DNAAF9: variants seen among roughly 807,000 people sequenced by gnomAD.
DNAAF9 encodes dynein axonemal assembly factor 9.
A neutral mutation model predicts 167.0 loss-of-function variants in DNAAF9; 90 were observed. The ratio of observed to expected loss-of-function variants is 0.54; its 90% CI spans 0.45 to 0.64. The LOEUF is 0.64. Among genes scored for constraint, DNAAF9 ranks in the 30% least tolerant of loss-of-function variants. The pLI is 0.00. For synonymous variants in DNAAF9, 491 were observed against 508.8 expected (o/e 0.96, Z 0.47); for missense variants, 1,315 against 1,442.2 (o/e 0.91, Z 1.43).
chr20:3,281,588 T>G, intron 28 of DNAAF9, 53 bp downstream of exon 28: 1 of 1,517,526 alleles, frequency 6.6e-7, no homozygotes, highest in South Asian at 1.3e-5. Flanking sequence ...CTTCTTCTGG[T>G]GGGTGGAAAC....
chr20:3,261,849 G>A (rs976412841), intron 31 of DNAAF9, among the ~76,000 whole-genome samples: 1 of 151,686 alleles, frequency 6.6e-6, no homozygotes, highest in Non-Finnish European at 1.5e-5. Context: ...GGCTTCTGTG[G>A]TACCTGAATC....
At chr20:3,270,606 T>C (rs1357746121) in intron 29 of DNAAF9, 44 bp from the exon 30 acceptor site, 1 of 1,587,148 alleles carries the variant, frequency 6.3e-7, no homozygotes. Context: ...CAGTCCTGGT[T>C]AGGGGTGAAG....
chr20:3,348,449 A>C, intron 8 of DNAAF9, 76 bp downstream of exon 8: 1 of 801,732 alleles, frequency 1.2e-6, no homozygotes, highest in South Asian at 2.3e-5. Flanking sequence ...GTATTTTGAA[A>C]AAAATTTAAT....
intron 21 of DNAAF9, among the ~76,000 whole-genome samples, chr20:3,299,607 C>G (rs6115843): frequency 0.013 from 1,950 of 152,320 alleles, 47 homozygotes; most frequent in African/African-American, 0.045. Flanking sequence ...CCACCGCACC[C>G]GGCCTCTCAG....
intron 21 of DNAAF9, among the ~76,000 whole-genome samples, chr20:3,301,489 C>T (rs6107276): frequency 5.9e-5 from 9 of 151,964 alleles, no homozygotes; most frequent in African/African-American, 2.2e-4. Flanking sequence ...CGCCCAGCCC[C>T]TTATCCTGTT....
chr20:3,264,297 G>C lies in DNAAF9; in HGVS notation c.2873+141C>G, dbSNP rs1323210019. 3 of 614,602 alleles carry C rather than the reference G, an allele frequency of 4.9e-6. No homozygotes were observed. In the African/African-American group the frequency reaches 5.6e-5, roughly 11 times the overall value. 38.1% of individuals were successfully genotyped at this position (614,602 alleles called of 1,614,324 possible). ...TGGCAAGGCCAGCAGCTGCCGGACA[G>C]GCAGGCCGTGCCAGCTGCCATGTGT... On this transcript the variant is annotated intron_variant, in intron 31 of 36. Coordinates refer to ENST00000252032, the MANE Select transcript of DNAAF9 (RefSeq NM_001009984.3).
chr20:3,324,890 A>G lies in DNAAF9; in HGVS notation c.1265+2T>C, dbSNP rs780989344. On this transcript the variant is annotated splice_donor_variant, in intron 14 of 36. Coordinates refer to ENST00000252032, the MANE Select transcript of DNAAF9 (RefSeq NM_001009984.3). LOFTEE classifies it high-confidence loss of function. ...TTATAAAAAATATCAGCCATTGCTTACCGCAGGGCTGCCTTAAACGGAATC... is the reference window on the plus strand; with the variant it reads ...TTATAAAAAATATCAGCCATTGCTTGCCGCAGGGCTGCCTTAAACGGAATC... 1.3e-6 allele frequency: 2 copies of G among 1,542,602 alleles called. No homozygotes were observed. The highest frequency in any genetic ancestry group is 2.7e-5 in the African/African-American group (2 of 73,266).
At chr20:3,273,466 G>A (rs1298417046) in intron 29 of DNAAF9, among the ~76,000 whole-genome samples, 2 of 152,124 alleles carry the variant, frequency 1.3e-5, no homozygotes, top group Admixed American at 1.3e-4. Context: ...GCTGGCATCG[G>A]CTTCTGGGGA....
chr20:3,326,524 G>C (rs907825314), intron 12 of DNAAF9, among the ~76,000 whole-genome samples: 3 of 152,058 alleles, frequency 2.0e-5, no homozygotes, highest in African/African-American at 7.2e-5. Flanking sequence ...TTGAGCCCAG[G>C]AATTTGAGAC....
chr20:3,261,529 A>G (rs994159201), intron 31 of DNAAF9, among the ~76,000 whole-genome samples: 7 of 150,310 alleles, frequency 4.7e-5, no homozygotes, highest in African/African-American at 1.7e-4. Flanking sequence ...CACCACGCCC[A>G]GCTAATTTTT....
At chr20:3,397,828 T>C (rs1275700185) in intron 1 of DNAAF9, among the ~76,000 whole-genome samples, 1 of 152,158 alleles carries the variant, frequency 6.6e-6, no homozygotes, top group Non-Finnish European at 1.5e-5. Flanking sequence ...AGTAGTACTG[T>C]TGTTTTACCA....
intron 7 of DNAAF9, among the ~76,000 whole-genome samples, chr20:3,353,890 CCT>C (rs1274285218): frequency 4.6e-5 from 7 of 151,942 alleles, no homozygotes; most frequent in South Asian, 2.1e-4. Flanking sequence ...AAAAACCACC[CCT>C]GAGGGAGGTG....
intron 1 of DNAAF9, among the ~76,000 whole-genome samples, chr20:3,402,496 A>G (rs2084001180): frequency 6.6e-6 from 1 of 152,110 alleles, no homozygotes; most frequent in South Asian, 2.1e-4. Context: ...TCCAACTAAA[A>G]TTATATATCC....
At chr20:3,395,094 T>TGA (rs1317802725) in intron 1 of DNAAF9, among the ~76,000 whole-genome samples, 3 of 146,706 alleles carry the variant, frequency 2.0e-5, no homozygotes, top group African/African-American at 7.8e-5. Flanking sequence ...CAGCCTCCCA[T>TGA]GTAGCTGGGA....
intron 10 of DNAAF9, among the ~76,000 whole-genome samples, chr20:3,332,907 GTGTGTGTGT>G (rs1568610286): frequency 2.9e-5 from 4 of 136,772 alleles, no homozygotes; most frequent in East Asian, 2.0e-4. Flanking sequence ...TGTGGTGTGT[GTGTGTGTGT>G]GTGTGTGTGT....
At chr20:3,407,240 T>C (rs1568654884) in intron 1 of DNAAF9, among the ~76,000 whole-genome samples, 1 of 151,964 alleles carries the variant, frequency 6.6e-6, no homozygotes, top group South Asian at 2.1e-4. Flanking sequence ...CGTTGCAGGG[T>C]TGTCTGTGGG....
chr20:3,267,820 G>A (rs548696242), intron 30 of DNAAF9, among the ~76,000 whole-genome samples: 2 of 152,164 alleles, frequency 1.3e-5, no homozygotes, highest in South Asian at 4.2e-4. Context: ...GGGTGACAGA[G>A]CAAGACTCTG....
intron 8 of DNAAF9, among the ~76,000 whole-genome samples, chr20:3,345,394 T>G (rs2070173312): frequency 6.6e-6 from 1 of 152,194 alleles, no homozygotes; most frequent in Non-Finnish European, 1.5e-5. Flanking sequence ...CAAGCAATCC[T>G]AATAACAACC....
At chr20:3,297,519 G>C (rs2069102849) in intron 22 of DNAAF9, among the ~76,000 whole-genome samples, 2 of 152,170 alleles carry the variant, frequency 1.3e-5, no homozygotes, top group Admixed American at 6.5e-5. Flanking sequence ...ATTCCCACTA[G>C]TCATGAGGCT....
Sources: gnomAD v4.1 joint callset for allele counts (sites outside exome capture counted in the v4.1 genomes callset) on GRCh38, gnomAD v4.1.1 for gene constraint, MANE v1.5 for transcripts, NCBI Gene and HGNC (gene_info 2026-07-23, HGNC 2026-07-21) for gene names.